VAV3: variants seen among roughly 807,000 people sequenced by gnomAD.
VAV3 encodes guanine nucleotide exchange factor VAV3.
In VAV3, 94 loss-of-function variants were observed where a neutral mutation model predicts 131.2. The ratio of observed to expected loss-of-function variants is 0.72; its 90% CI spans 0.61 to 0.85. VAV3 has a LOEUF of 0.85. VAV3 is among the 40% of genes least tolerant of loss of function. The pLI, the probability that VAV3 is intolerant of heterozygous loss-of-function variation, is 0.00. For missense variants in VAV3, 939 were observed against 1,002.7 expected, an observed-to-expected ratio of 0.94 and a Z score of 0.86; for synonymous variants, 349 against 342.0, an observed-to-expected ratio of 1.02 and a Z score of -0.22.
At position 107,704,577 on chromosome 1, in the gene VAV3, C is replaced by A; in HGVS notation, c.1678G>T (p.Asp560Tyr). Residue 560 changes from aspartate (D) to tyrosine (Y), a missense_variant, in exon 17 of 27, where the codon GAC (aspartate) becomes TAC (tyrosine). Asp to Tyr is a radical substitution (Grantham distance 160). Coordinates refer to ENST00000370056, the MANE Select transcript of VAV3 (RefSeq NM_006113.5). ...CCAGAATTAACTCTGCCACAATTGT[C>A]TACTCTTCCCAAACATTCTTTGTGT... is the stretch of plus-strand genomic sequence containing the variant. ...RAHKECLGRV[D>Y]NCGRVNSGEQ... is the part of the protein sequence containing the mutation. The A allele has an allele frequency of 1.2e-6, 2 of 1,613,834 alleles. No individual in the cohort carries two copies. The highest frequency in any genetic ancestry group is 1.7e-6 in the Non-Finnish European group (2 of 1,179,794).
At chr1:107,953,170 C>T (rs1674640001) in intron 1 of VAV3, among the ~76,000 whole-genome samples, 1 of 152,134 alleles carries the variant, frequency 6.6e-6, no homozygotes, top group Non-Finnish European at 1.5e-5. Context: ...CTGTCTTCAC[C>T]ACTTCCTGTC....
chr1:107,763,720 C>T (rs1222092102), intron 9 of VAV3, among the ~76,000 whole-genome samples: 20 of 152,096 alleles, frequency 1.3e-4, no homozygotes, highest in Admixed American at 1.2e-3. Flanking sequence ...AAAAAGATCA[C>T]GTATCTAGTA....
chr1:107,868,663 G>A, intron 2 of VAV3, among the ~76,000 whole-genome samples: 1 of 152,194 alleles, frequency 6.6e-6, no homozygotes, highest in East Asian at 1.9e-4. Flanking sequence ...ATAGGTTCTG[G>A]GACTTTGTCT....
intron 1 of VAV3, among the ~76,000 whole-genome samples, chr1:107,953,541 T>C (rs1027938250): frequency 6.6e-6 from 1 of 152,186 alleles, no homozygotes; most frequent in African/African-American, 2.4e-5. Flanking sequence ...GTGTAAAACA[T>C]TTTAGTTGCT....
intron 2 of VAV3, among the ~76,000 whole-genome samples, chr1:107,823,645 A>G (rs564951886): frequency 1.3e-5 from 2 of 152,172 alleles, no homozygotes; most frequent in African/African-American, 4.8e-5. Flanking sequence ...AATGGACCAA[A>G]TGTTTGTATC....
chr1:107,923,528 AAAG>A (rs1673018735), intron 1 of VAV3, among the ~76,000 whole-genome samples: 1 of 152,230 alleles, frequency 6.6e-6, no homozygotes, highest in Admixed American at 6.5e-5. Flanking sequence ...TTTATAAAGA[AAAG>A]AAGTTTAATT....
At chr1:107,949,877 A>G (rs1167608646) in intron 1 of VAV3, among the ~76,000 whole-genome samples, 1 of 152,248 alleles carries the variant, frequency 6.6e-6, no homozygotes, top group Non-Finnish European at 1.5e-5. Flanking sequence ...ATTGTGGAGT[A>G]TTGATAAGTG....
intron 1 of VAV3, among the ~76,000 whole-genome samples, chr1:107,940,812 C>G (rs1673947200): frequency 6.6e-6 from 1 of 151,866 alleles, no homozygotes; most frequent in African/African-American, 2.4e-5. Context: ...AGGGGGTTGC[C>G]AGGGGCTTCA....
intron 19 of VAV3, among the ~76,000 whole-genome samples, chr1:107,682,299 T>C (rs1658692368): frequency 6.6e-6 from 1 of 152,012 alleles, no homozygotes; most frequent in Non-Finnish European, 1.5e-5. Flanking sequence ...AAAATAACAC[T>C]TATAAAGGTT....
At chr1:107,787,652 T>A (rs998891368) in intron 2 of VAV3, among the ~76,000 whole-genome samples, 4 of 152,200 alleles carry the variant, frequency 2.6e-5, no homozygotes, top group Non-Finnish European at 5.9e-5. Context: ...AGAATACTTG[T>A]GTATTCTAAG....
chr1:107,684,244 C>A (rs74533693), intron 18 of VAV3, among the ~76,000 whole-genome samples: 26 of 152,342 alleles, frequency 1.7e-4, no homozygotes, highest in Non-Finnish European at 2.2e-4. Context: ...GCATTAAACT[C>A]ATTCCCACCT....
At chr1:107,941,400 A>G (rs1417369722) in intron 1 of VAV3, among the ~76,000 whole-genome samples, 1 of 152,184 alleles carries the variant, frequency 6.6e-6, no homozygotes, top group Non-Finnish European at 1.5e-5. Context: ...TTTGGGCTGT[A>G]AAAACTGCTT....
chr1:107,730,327 T>C (rs946186548), intron 15 of VAV3, among the ~76,000 whole-genome samples: 2 of 152,178 alleles, frequency 1.3e-5, no homozygotes, highest in African/African-American at 4.8e-5. Flanking sequence ...TATTTAACGA[T>C]CATCTGAATC....
chr1:107,900,545 C>T (rs1384274927), intron 1 of VAV3, among the ~76,000 whole-genome samples: 1 of 152,082 alleles, frequency 6.6e-6, no homozygotes, highest in Non-Finnish European at 1.5e-5. Context: ...ATATTCAATC[C>T]ACTAAATCTG....
At chr1:107,624,892 T>C (rs1342369963) in intron 20 of VAV3, among the ~76,000 whole-genome samples, 4 of 152,158 alleles carry the variant, frequency 2.6e-5, no homozygotes, top group Non-Finnish European at 5.9e-5. Context: ...ATTCAGACAA[T>C]GCCATTTCCT....
At chr1:107,789,685 G>A (rs1219477965) in intron 2 of VAV3, among the ~76,000 whole-genome samples, 1 of 152,100 alleles carries the variant, frequency 6.6e-6, no homozygotes, top group Non-Finnish European at 1.5e-5. Flanking sequence ...ACAGAAATGT[G>A]TAAGTCACAT....
Position 107,678,641 on chromosome 1 carries a change from T to C in VAV3, c.1777+4847A>G, listed in dbSNP as rs1364926312. ...TCAACAATTCTGTTTAGACTTGGAA[T>C]AAATTTCACAATCCTTTGAAATTAA... is the stretch of plus-strand genomic sequence containing the variant. On this transcript the variant is annotated intron_variant, in intron 19 of 26. Coordinates refer to ENST00000370056, the MANE Select transcript of VAV3 (RefSeq NM_006113.5). 5.3e-5 allele frequency among the ~76,000 whole-genome samples: 8 copies of C among 152,206 alleles called. No homozygotes were observed. In the South Asian group the frequency reaches 1.4e-3, roughly 28 times the overall value.
chr1:107,744,597 C>A (rs1387261580), intron 15 of VAV3, among the ~76,000 whole-genome samples: 1 of 152,098 alleles, frequency 6.6e-6, no homozygotes, highest in East Asian at 2.0e-4. Context: ...TTTAAAAAAA[C>A]AAACAAACAT....
At chr1:107,917,307 C>G (rs1017223027) in intron 1 of VAV3, among the ~76,000 whole-genome samples, 2 of 152,118 alleles carry the variant, frequency 1.3e-5, no homozygotes, top group Non-Finnish European at 2.9e-5. Flanking sequence ...GCTCACTCAG[C>G]ATTCACCACA....
Sources: allele counts gnomAD v4.1 joint callset (sites outside exome capture counted in the v4.1 genomes callset), GRCh38; gene constraint gnomAD v4.1.1; transcripts MANE v1.5; gene names NCBI Gene and HGNC (gene_info 2026-07-23, HGNC 2026-07-21).